CNTNAP5: variants seen among roughly 807,000 people sequenced by gnomAD.
The protein encoded by CNTNAP5 is contactin-associated protein-like 5.
A neutral mutation model predicts 150.2 loss-of-function variants in CNTNAP5; 72 were observed. The observed-to-expected ratio is 0.48, with a 90% CI of 0.40 to 0.58. The LOEUF is 0.58. Ranked by LOEUF, CNTNAP5 falls within the 20% of genes least tolerant of loss-of-function variation. The probability of loss-of-function intolerance (pLI) is 0.00; values close to 1 mark genes in which losing one functional copy is unlikely to be tolerated. For synonymous variants in CNTNAP5, 672 were observed against 619.8 expected, an observed-to-expected ratio of 1.08 and a Z score of -1.25; for missense variants, 1,636 against 1,626.2, an observed-to-expected ratio of 1.01 and a Z score of -0.10.
intron 1 of CNTNAP5, among the ~76,000 whole-genome samples, chr2:124,163,581 T>C (rs1432420025): frequency 6.6e-6 from 1 of 152,044 alleles, no homozygotes; most frequent in African/African-American, 2.4e-5. Context: ...ACTACCTTCC[T>C]CCCCTAAAGG....
intron 17 of CNTNAP5, among the ~76,000 whole-genome samples, chr2:124,788,603 CT>C (rs371311629): frequency 0.11 from 14,984 of 135,902 alleles, 1,403 homozygotes; most frequent in African/African-American, 0.29. Context: ...TTCTTTCTTT[CT>C]TTTTTTTTTT....
At chr2:124,484,373 A>C (rs35545946) in intron 7 of CNTNAP5, among the ~76,000 whole-genome samples, 31,665 of 152,032 alleles carry the variant, frequency 0.21, 3,571 homozygotes, top group East Asian at 0.34. Flanking sequence ...ATATATATGG[A>C]TGAAGGCACT....
rs1458756628 is a variant in CNTNAP5 at position 124,840,155 on chromosome 2, T to A, written c.3218-25151T>A. On this transcript the variant is annotated intron_variant, in intron 19 of 23. Coordinates refer to ENST00000682447, the MANE Select transcript of CNTNAP5 (RefSeq NM_001367498.1). ...CATCAGGAGGAGATTCCTGGAGAGA[T>A]GACTGACAGGTTGAGATAAGTTTAG... Among the ~76,000 whole-genome samples, 4 of 152,058 alleles carry A rather than the reference T, an allele frequency of 2.6e-5. No individual in the cohort carries two copies. The East Asian group carries it at 5.8e-4, about 22-fold the overall frequency.
At chr2:124,567,088 C>T (rs10203345) in intron 11 of CNTNAP5, among the ~76,000 whole-genome samples, 2,476 of 152,210 alleles carry the variant, frequency 0.016, 63 homozygotes, top group African/African-American at 0.056. Flanking sequence ...TCTTCGAAAA[C>T]AGTCTTTTCC....
chr2:124,696,793 T>C, intron 13 of CNTNAP5, among the ~76,000 whole-genome samples: 1 of 152,120 alleles, frequency 6.6e-6, no homozygotes, highest in Non-Finnish European at 1.5e-5. Flanking sequence ...TAAACACACA[T>C]TCACACACAC....
At chr2:124,156,384 A>G (rs1486343426) in intron 1 of CNTNAP5, among the ~76,000 whole-genome samples, 5 of 152,238 alleles carry the variant, frequency 3.3e-5, no homozygotes, top group African/African-American at 1.2e-4. Flanking sequence ...ATGAAGATGA[A>G]TGATCATCAT....
chr2:124,151,090 G>A (rs1312451580), intron 1 of CNTNAP5, among the ~76,000 whole-genome samples: 3 of 152,112 alleles, frequency 2.0e-5, no homozygotes, highest in African/African-American at 4.8e-5. Flanking sequence ...GACCTAACAC[G>A]GTCTAGGATT....
chr2:124,526,987 A>G (rs1380189942), intron 9 of CNTNAP5, among the ~76,000 whole-genome samples: 1 of 152,208 alleles, frequency 6.6e-6, no homozygotes, highest in Non-Finnish European at 1.5e-5. Context: ...GATGCCATAT[A>G]AAAGAATAGC....
chr2:124,540,783 A>G (rs17011610), intron 10 of CNTNAP5, among the ~76,000 whole-genome samples: 30,953 of 152,104 alleles, frequency 0.2, 3,801 homozygotes, highest in African/African-American at 0.35. Flanking sequence ...TGCCGACCAC[A>G]GTAGACAATC....
At chr2:124,438,875 A>G (rs1367976639) in intron 5 of CNTNAP5, among the ~76,000 whole-genome samples, 1 of 152,158 alleles carries the variant, frequency 6.6e-6, no homozygotes, top group Non-Finnish European at 1.5e-5. Context: ...CAATCCTACA[A>G]TCTGTATCCA....
At chr2:124,711,981 A>C (rs1460888874) in intron 13 of CNTNAP5, among the ~76,000 whole-genome samples, 1 of 152,156 alleles carries the variant, frequency 6.6e-6, no homozygotes, top group Non-Finnish European at 1.5e-5. Context: ...CCAGCATCTC[A>C]ACAGAAAGAA....
At chr2:124,837,044 G>A (rs949582637) in intron 19 of CNTNAP5, among the ~76,000 whole-genome samples, 6 of 151,998 alleles carry the variant, frequency 3.9e-5, no homozygotes, top group Admixed American at 1.3e-4. Flanking sequence ...AGAGGGGATC[G>A]TGAACTATTC....
At chr2:124,275,670 T>G (rs1573884561) in intron 3 of CNTNAP5, among the ~76,000 whole-genome samples, 1 of 152,092 alleles carries the variant, frequency 6.6e-6, no homozygotes, top group African/African-American at 2.4e-5. Flanking sequence ...TGACCCATGG[T>G]TTTTCTTACA....
intron 13 of CNTNAP5, among the ~76,000 whole-genome samples, chr2:124,664,505 C>G (rs1678657772): frequency 6.6e-6 from 1 of 152,060 alleles, no homozygotes. Flanking sequence ...GTTTTCTCCT[C>G]CCAGCACCCG....
chr2:124,184,319 C>T (rs1558791310), intron 1 of CNTNAP5, among the ~76,000 whole-genome samples: 1 of 152,054 alleles, frequency 6.6e-6, no homozygotes, highest in Non-Finnish European at 1.5e-5. Context: ...TTGGGGTGGG[C>T]GGAGCTTTGC....
In CNTNAP5 at chr2:124,597,770, T is replaced by C. The variant is rs1696867100; in HGVS notation, c.1757-12031T>C. 2.0e-5 allele frequency among the ~76,000 whole-genome samples: 3 copies of C among 152,116 alleles called. No homozygotes were observed. The South Asian group carries it at 6.3e-4, about 32-fold the overall frequency. The stretch of plus-strand genomic sequence containing the variant: ...ACTTGGTTCCATTCTCCGCATCACT[T>C]TCAGGCACACCAATCAGACGTAGAT... On this transcript the variant is annotated intron_variant, in intron 11 of 23. Coordinates refer to ENST00000682447, the MANE Select transcript of CNTNAP5 (RefSeq NM_001367498.1).
At chr2:124,741,592 A>G (rs950720996) in intron 13 of CNTNAP5, among the ~76,000 whole-genome samples, 2 of 146,788 alleles carry the variant, frequency 1.4e-5, no homozygotes, top group Non-Finnish European at 3.1e-5. Flanking sequence ...TATAAAACAT[A>G]TATATTTTCT....
At position 124,914,340 on chromosome 2, in the gene CNTNAP5, C is replaced by A. The variant is rs1257174045; in HGVS notation, c.*52C>A. The A allele has an allele frequency of 3.9e-6, 5 of 1,276,014 alleles. No individual in the cohort carries two copies. In the Admixed American group the frequency reaches 7.5e-5, roughly 19 times the overall value. 79.0% of individuals were successfully genotyped at this position (1,276,014 alleles called of 1,614,324 possible). The stretch of plus-strand genomic sequence containing the variant: ...TTTTCTTGTTGTTCAATTATCTCCT[C>A]CCCCTCTTCTCTCCTGTCTTTTGAT... On this transcript the variant is annotated 3_prime_UTR_variant, in exon 24 of 24. Coordinates refer to ENST00000682447, the MANE Select transcript of CNTNAP5 (RefSeq NM_001367498.1).
At chr2:124,822,840 A>T (rs891298100) in intron 19 of CNTNAP5, among the ~76,000 whole-genome samples, 2 of 152,176 alleles carry the variant, frequency 1.3e-5, no homozygotes, top group African/African-American at 4.8e-5. Flanking sequence ...AAAGAAAAAA[A>T]ACTTGACCTC....
Sources: gnomAD v4.1 joint callset for allele counts (sites outside exome capture counted in the v4.1 genomes callset) on GRCh38, gnomAD v4.1.1 for gene constraint, MANE v1.5 for transcripts, NCBI Gene and HGNC (gene_info 2026-07-23, HGNC 2026-07-21) for gene names.